UGT3A1: variants seen among roughly 807,000 people sequenced by gnomAD.
The protein encoded by UGT3A1 is UDP glycosyltransferase family 3 member A1, also known as UDP-glycosyltransferase 3A1.
In UGT3A1, 40 loss-of-function variants were observed where a neutral mutation model predicts 37.6. That is an observed-to-expected ratio of 1.06 (90% CI 0.83 to 1.38). The LOEUF (loss-of-function observed/expected upper bound fraction) is 1.38, where lower values mean the gene tolerates loss of function less well. UGT3A1 is among the 40% of genes most tolerant of loss of function. The pLI is 0.00. For synonymous variants in UGT3A1, 256 were observed against 232.3 expected, an observed-to-expected ratio of 1.10 and a Z score of -0.93; for missense variants, 642 against 634.2, an observed-to-expected ratio of 1.01 and a Z score of -0.13.
chr5:35,994,433 G>C (rs1379229855), upstream of UGT3A1, among the ~76,000 whole-genome samples: 1 of 149,960 alleles, frequency 6.7e-6, no homozygotes, highest in Non-Finnish European at 1.5e-5. Flanking sequence ...CATGAGGGTG[G>C]AATTCTCCAC....
At chr5:35,974,400 A>G (rs1434218085) in intron 2 of UGT3A1, among the ~76,000 whole-genome samples, 2 of 152,306 alleles carry the variant, frequency 1.3e-5, no homozygotes, top group East Asian at 3.9e-4. Context: ...GCATGGTTGG[A>G]AAGTCCAGGT....
chr5:35,990,987 T>C, intron 1 of UGT3A1, 160 bp downstream of exon 1: 1 of 1,557,600 alleles, frequency 6.4e-7, no homozygotes, highest in Non-Finnish European at 8.7e-7. Flanking sequence ...GGCCCCTCTC[T>C]GCCCCACGGC....
intron 2 of UGT3A1, among the ~76,000 whole-genome samples, chr5:35,997,051 C>A (rs1195996640): frequency 1.3e-5 from 2 of 152,140 alleles, no homozygotes; most frequent in African/African-American, 2.4e-5. Context: ...CCCTACCACA[C>A]AAGATTATCT....
Position 35,952,354 on chromosome 5 carries a change from T to C in UGT3A1, c.*1848A>G, listed in dbSNP as rs1739214649. ...CATAGAGCCCTTATATTCCACACAA[T>C]GGGAACAAAGATTTTAAACAGTGAG... is the stretch of plus-strand genomic sequence containing the variant. On this transcript the variant is annotated 3_prime_UTR_variant, in exon 7 of 7. Coordinates refer to ENST00000274278, the MANE Select transcript of UGT3A1 (RefSeq NM_152404.4). The C allele has an allele frequency of 6.6e-6, 1 of 152,098 alleles. No individual in the cohort carries two copies. The highest frequency in any genetic ancestry group is 1.5e-5 in the Non-Finnish European group (1 of 68,030). The allele number at this position is 152,098 out of a possible 1,614,324, so 9.4% of individuals were successfully genotyped here.
intron 2 of UGT3A1, among the ~76,000 whole-genome samples, chr5:35,971,143 A>T (rs945881963): frequency 1.3e-5 from 2 of 152,168 alleles, no homozygotes; most frequent in Non-Finnish European, 2.9e-5. Context: ...CCATCATCAT[A>T]TCCAACTTTC....
At chr5:35,994,548 T>C (rs774125099), upstream of UGT3A1, among the ~76,000 whole-genome samples, 7 of 152,102 alleles carry the variant, frequency 4.6e-5, no homozygotes, top group South Asian at 2.1e-4. Flanking sequence ...CCCTAAGATG[T>C]TCAGTGCCTC....
intron 4 of UGT3A1, 30 bp from the exon 5 acceptor site, chr5:35,957,449 G>A: frequency 6.3e-7 from 1 of 1,596,472 alleles, no homozygotes; most frequent in Non-Finnish European, 8.6e-7. Context: ...GAAAGGAGGT[G>A]GCAAAATTGA....
chr5:35,991,219 G>A lies in UGT3A1; in HGVS notation c.22C>T (p.Leu8Phe). 3 of 1,614,232 alleles carry A rather than the reference G, an allele frequency of 1.9e-6. No homozygotes were observed. The highest frequency in any genetic ancestry group is 2.5e-6 in the Non-Finnish European group (3 of 1,180,036). ...CCAGAAAGAAGGAAGGCCACTAGAAGCAGCACCCGCTGCCCAACCATGCTC... is the reference window on the plus strand; with the variant it reads ...CCAGAAAGAAGGAAGGCCACTAGAAACAGCACCCGCTGCCCAACCATGCTC... MVGQRVL[L>F]LVAFLLSGVL... The change falls in exon 1 of 7, where the codon CTT becomes TTT. Residue 8 changes from leucine to phenylalanine, a missense_variant. Leu to Phe is a conservative substitution (Grantham distance 22). Transcript: ENST00000274278.
intron 2 of UGT3A1, among the ~76,000 whole-genome samples, chr5:35,976,758 C>T (rs1740286395): frequency 6.6e-6 from 1 of 151,852 alleles, no homozygotes; most frequent in Admixed American, 6.6e-5. Context: ...ATTGCTTTAG[C>T]CCAAGTTTGA....
intron 2 of UGT3A1, among the ~76,000 whole-genome samples, chr5:35,972,494 C>CAT (rs1179820602): frequency 7.1e-6 from 1 of 141,338 alleles, no homozygotes; most frequent in Admixed American, 7.1e-5. Context: ...CCTTGAAATA[C>CAT]GTGTGTGTGT....
intron 4 of UGT3A1, among the ~76,000 whole-genome samples, chr5:35,958,562 C>G (rs1324242405): frequency 6.6e-6 from 1 of 152,188 alleles, no homozygotes; most frequent in East Asian, 1.9e-4. Context: ...TAATCAGCAG[C>G]CGCATGCCCT....
Position 35,954,278 on chromosome 5 carries a change from G to A in UGT3A1, c.1496C>T (p.Thr499Ile). 6 of 1,614,150 alleles carry A rather than the reference G, an allele frequency of 3.7e-6. No individual in the cohort carries two copies. Among genetic ancestry groups the A allele is most frequent in the Non-Finnish European group, 5.1e-6 (6 of 1,180,024 alleles). ...CAGCAGCTTCCCACAAAGCCACATA[G>A]TGCCCAGAGTGAGCCCCAGCAGAAA... is the stretch of plus-strand genomic sequence containing the variant. Reference protein sequence around the residue: ...FVFLLGLTLGTMWLCGKLLGV... With the variant: ...FVFLLGLTLGIMWLCGKLLGV... Residue 499 changes from threonine to isoleucine, a missense_variant, in exon 7 of 7, where the codon ACT (threonine) becomes ATT (isoleucine). Thr to Ile is a moderately conservative substitution (Grantham distance 89, BLOSUM62 -1). Coordinates refer to ENST00000274278, the MANE Select transcript of UGT3A1 (RefSeq NM_152404.4).
chr5:35,957,585 C>T (rs2149950210), intron 4 of UGT3A1, among the ~76,000 whole-genome samples, 166 bp from the exon 5 acceptor site: 1 of 152,326 alleles, frequency 6.6e-6, no homozygotes, highest in South Asian at 2.1e-4. Flanking sequence ...GACCTCTGCA[C>T]TGTGCTCATA....
rs1248406399 is a variant in UGT3A1, at chr5:35,951,383, T to A, written c.*2819A>T. On this transcript the variant is annotated 3_prime_UTR_variant, in exon 7 of 7. Transcript: ENST00000274278. ...TATGTATTTTTTTCATTATCCCCCA[T>A]ACACATACTTTCCTTTTTCTTATAA... is the stretch of plus-strand genomic sequence containing the variant. 6.6e-6 allele frequency: 1 copy of A among 152,174 alleles called. No individual in the cohort carries two copies. Among genetic ancestry groups the A allele is most frequent in the Non-Finnish European group, 1.5e-5 (1 of 68,002 alleles). 9.4% of individuals were successfully genotyped at this position (152,174 alleles called of 1,614,324 possible). A position where few individuals can be genotyped will look rare whatever the true frequency, so the allele number is the denominator to read the frequency against.
upstream of UGT3A1, among the ~76,000 whole-genome samples, chr5:35,992,102 T>G (rs1432453427): frequency 2.6e-5 from 4 of 152,212 alleles, no homozygotes; most frequent in African/African-American, 9.6e-5. Context: ...TCGGAAAGGC[T>G]TTCAGTGCAA....
At chr5:35,967,490 G>A (rs1739856909) in intron 3 of UGT3A1, among the ~76,000 whole-genome samples, 2 of 152,184 alleles carry the variant, frequency 1.3e-5, no homozygotes, top group Non-Finnish European at 2.9e-5. Flanking sequence ...GCATTTGATT[G>A]TTTTTAAGGA....
Position 35,991,138 on chromosome 5 carries a change from A to C in UGT3A1, c.94+9T>G. The C allele has an allele frequency of 1.2e-6, 2 of 1,614,238 alleles. No homozygotes were observed. The highest frequency in any genetic ancestry group is 2.2e-5 in the South Asian group (2 of 91,092). ...CGCCTGTCTGGGAATTCTCCGGCCA[A>C]GCACTCACCCAGTGTAGATATTGTC... is the stretch of plus-strand genomic sequence containing the variant. On this transcript the variant is annotated intron_variant, in intron 1 of 6. Coordinates refer to ENST00000274278, the MANE Select transcript of UGT3A1 (RefSeq NM_152404.4).
chr5:35,995,402 C>T (rs78502023), upstream of UGT3A1, among the ~76,000 whole-genome samples: 4,955 of 152,300 alleles, frequency 0.033, 85 homozygotes, highest in Non-Finnish European at 0.045. Flanking sequence ...GGTAAGGGAT[C>T]CCTGCCAATT....
At chr5:35,980,833 G>A (rs912555683) in intron 2 of UGT3A1, among the ~76,000 whole-genome samples, 1 of 152,162 alleles carries the variant, frequency 6.6e-6, no homozygotes, top group Non-Finnish European at 1.5e-5. Flanking sequence ...GACAGATAAA[G>A]ATGTTGTACA....
Sources: allele counts gnomAD v4.1 joint callset (sites outside exome capture counted in the v4.1 genomes callset), GRCh38; gene constraint gnomAD v4.1.1; transcripts MANE v1.5; gene names NCBI Gene and HGNC (gene_info 2026-07-23, HGNC 2026-07-21).